Variants in TRPM3 observed in about 807,000 individuals in gnomAD.
TRPM3 encodes long transient receptor potential channel 3.
In TRPM3, 77 loss-of-function variants were observed where a neutral mutation model predicts 181.2. The observed-to-expected ratio is 0.42, with a 90% CI of 0.35 to 0.51. The LOEUF is 0.51. TRPM3 is among the 20% of genes least tolerant of loss of function. The pLI is 0.01. For missense variants in TRPM3, 1,759 were observed against 2,196.7 expected (o/e 0.80, Z 3.98); for synonymous variants, 745 against 796.4 (o/e 0.94, Z 1.09).
chr9:70,823,939 C>T (rs2093375542), intron 6 of TRPM3, among the ~76,000 whole-genome samples: 1 of 152,150 alleles, frequency 6.6e-6, no homozygotes, highest in Admixed American at 6.5e-5. Context: ...ATGTTTCAGT[C>T]CTGACTGTTG....
chr9:70,673,030 C>T (rs1455565089), intron 9 of TRPM3, among the ~76,000 whole-genome samples: 1 of 152,066 alleles, frequency 6.6e-6, no homozygotes, highest in Non-Finnish European at 1.5e-5. Flanking sequence ...CTAATGTATG[C>T]AATGTAAAGA....
intron 1 of TRPM3, among the ~76,000 whole-genome samples, chr9:71,399,896 A>C (rs2093302343): frequency 6.6e-6 from 1 of 152,082 alleles, no homozygotes; most frequent in Non-Finnish European, 1.5e-5. Flanking sequence ...CTTTTTCTTG[A>C]ATATGATATG....
chr9:71,316,428 ATTGCAAAGGGGATT>A (rs997185193), intron 1 of TRPM3, among the ~76,000 whole-genome samples: 5 of 152,298 alleles, frequency 3.3e-5, no homozygotes, highest in Admixed American at 3.3e-4. Flanking sequence ...GTTACTTTAC[ATTGCAAAGGGGATT>A]TTGCAGTGTG....
At chr9:71,049,690 C>T (rs1183582744) in intron 1 of TRPM3, among the ~76,000 whole-genome samples, 2 of 152,050 alleles carry the variant, frequency 1.3e-5, no homozygotes, top group African/African-American at 4.8e-5. Flanking sequence ...CTTGCCTGGT[C>T]ATTGTGGGTA....
At chr9:70,684,144 A>G (rs1031717174) in intron 8 of TRPM3, among the ~76,000 whole-genome samples, 3 of 152,244 alleles carry the variant, frequency 2.0e-5, no homozygotes, top group African/African-American at 7.2e-5. Flanking sequence ...CAGCAAATAG[A>G]TAAGATTAAA....
intron 1 of TRPM3, among the ~76,000 whole-genome samples, chr9:71,281,866 A>G (rs1488968317): frequency 6.6e-6 from 1 of 152,110 alleles, no homozygotes; most frequent in Non-Finnish European, 1.5e-5. Flanking sequence ...GTTCGAGACC[A>G]GCCTGACCAA....
intron 1 of TRPM3, among the ~76,000 whole-genome samples, chr9:71,363,296 T>C (rs1429162399): frequency 6.6e-6 from 1 of 152,228 alleles, no homozygotes; most frequent in Non-Finnish European, 1.5e-5. Context: ...TCTTAAGTCA[T>C]GCCCATACTA....
chr9:70,992,647 CAGT>C (rs1240303765), intron 1 of TRPM3, among the ~76,000 whole-genome samples: 1 of 152,160 alleles, frequency 6.6e-6, no homozygotes, highest in Admixed American at 6.5e-5. Context: ...ACTAGTATAA[CAGT>C]AGAACTGAAT....
intron 1 of TRPM3, among the ~76,000 whole-genome samples, chr9:71,390,560 A>G (rs2093038731): frequency 6.6e-6 from 1 of 152,014 alleles, no homozygotes; most frequent in Non-Finnish European, 1.5e-5. Flanking sequence ...TAGGTAGTTT[A>G]TAGCTGGAAA....
At chr9:71,006,805 A>G (rs2097679260) in intron 1 of TRPM3, among the ~76,000 whole-genome samples, 1 of 147,018 alleles carries the variant, frequency 6.8e-6, no homozygotes, top group South Asian at 2.1e-4. Context: ...CGGGAGGCGG[A>G]GCTTGCAGTG....
At chr9:70,787,684 A>G (rs2130914599) in intron 6 of TRPM3, among the ~76,000 whole-genome samples, 1 of 148,848 alleles carries the variant, frequency 6.7e-6, no homozygotes, top group South Asian at 2.1e-4. Flanking sequence ...AAAGCTAGGG[A>G]CCCTTTCTCC....
intron 1 of TRPM3, among the ~76,000 whole-genome samples, chr9:70,906,695 G>C (rs2096468944): frequency 1.3e-5 from 2 of 152,294 alleles, no homozygotes; most frequent in South Asian, 2.1e-4. Context: ...CTGAGGTCAG[G>C]AGTTCGAGAC....
At chr9:71,161,669 A>T (rs1306138918) in intron 1 of TRPM3, among the ~76,000 whole-genome samples, 1 of 152,184 alleles carries the variant, frequency 6.6e-6, no homozygotes, top group African/African-American at 2.4e-5. Context: ...CATGCTAAGG[A>T]AACAGTGAAT....
chr9:71,184,757 C>T (rs1260885657), intron 1 of TRPM3, among the ~76,000 whole-genome samples: 1 of 152,040 alleles, frequency 6.6e-6, no homozygotes, highest in Non-Finnish European at 1.5e-5. Flanking sequence ...ATCTCTGACC[C>T]ATTAAAACTT....
intron 1 of TRPM3, among the ~76,000 whole-genome samples, chr9:70,966,874 C>T (rs577970295): frequency 1.3e-5 from 2 of 152,050 alleles, no homozygotes; most frequent in Non-Finnish European, 2.9e-5. Context: ...ACATGTATCC[C>T]TGAACTTCAA....
chr9:70,893,771 TTAA>T (rs1564704064), intron 1 of TRPM3, among the ~76,000 whole-genome samples: 1 of 152,148 alleles, frequency 6.6e-6, no homozygotes, highest in East Asian at 1.9e-4. Flanking sequence ...GTGAATAAGA[TTAA>T]TATTAGAAAA....
intron 6 of TRPM3, among the ~76,000 whole-genome samples, chr9:70,787,763 C>CTTTTTTTTTTTTTTTTTTTTTTTCTTT: frequency 1.5e-5 from 1 of 68,556 alleles, no homozygotes; most frequent in African/African-American, 5.8e-5. Flanking sequence ...TTTTTGGATT[C>CTTTTTTTTTTTTTTTTTTTTTTTCTTT]TTTTTTTTTT....
At chr9:71,286,553 T>C (rs997869239) in intron 1 of TRPM3, among the ~76,000 whole-genome samples, 1 of 152,250 alleles carries the variant, frequency 6.6e-6, no homozygotes, top group African/African-American at 2.4e-5. Context: ...AAAAGAGATA[T>C]TCACTGGAAT....
At chr9:71,057,484 T>C (rs907735253) in intron 1 of TRPM3, among the ~76,000 whole-genome samples, 1 of 152,056 alleles carries the variant, frequency 6.6e-6, no homozygotes, top group African/African-American at 2.4e-5. Flanking sequence ...TACCTTTCAT[T>C]CTCATCTTTT....
Sources: allele counts gnomAD v4.1 joint callset (sites outside exome capture counted in the v4.1 genomes callset), GRCh38; gene constraint gnomAD v4.1.1; transcripts MANE v1.5; gene names NCBI Gene and HGNC (gene_info 2026-07-23, HGNC 2026-07-21).